SMC6: variants seen among roughly 807,000 people sequenced by gnomAD.
SMC6 encodes structural maintenance of chromosomes 6.
SMC6 carries 79 observed loss-of-function variants against 142.2 expected under a neutral mutation model. The observed-to-expected ratio is 0.56, with a 90% CI of 0.46 to 0.67. The LOEUF (loss-of-function observed/expected upper bound fraction) is 0.67. Among genes scored for constraint, SMC6 ranks in the 30% least tolerant of loss-of-function variants. The pLI is 0.00. For synonymous variants in SMC6, 411 were observed against 412.4 expected (o/e 1.00, Z 0.04); for missense variants, 1,072 against 1,284.0 (o/e 0.83, Z 2.52).
chr2:17,713,588 GAC>G (rs1668936269), intron 16 of SMC6: 1 of 467,252 alleles, frequency 2.1e-6, no homozygotes, highest in African/African-American at 2.0e-5. Context: ...GTCCTAAAAT[GAC>G]AGTTCAGATT....
intron 22 of SMC6, 136 bp from the exon 23 acceptor site, chr2:17,695,433 T>C (rs1369131449): frequency 9.0e-6 from 6 of 667,580 alleles, no homozygotes; most frequent in Admixed American, 3.5e-5. Flanking sequence ...TTAATATCAA[T>C]GTTATTTATA....
At chr2:17,749,740 T>C (rs1195795354) in intron 2 of SMC6, among the ~76,000 whole-genome samples, 2 of 152,166 alleles carry the variant, frequency 1.3e-5, no homozygotes, top group East Asian at 1.9e-4. Flanking sequence ...TGTAGATGCA[T>C]AGGAAATTTG....
chr2:17,727,640 A>G (rs934174614), intron 7 of SMC6, among the ~76,000 whole-genome samples: 1 of 152,116 alleles, frequency 6.6e-6, no homozygotes, highest in Non-Finnish European at 1.5e-5. Context: ...GTATAGAAAA[A>G]ATACAACTTT....
intron 23 of SMC6, among the ~76,000 whole-genome samples, chr2:17,684,294 G>A (rs1348329742): frequency 3.9e-5 from 6 of 152,138 alleles, no homozygotes. Flanking sequence ...TAGCATGAAA[G>A]GCAACCCTGG....
chr2:17,685,368 A>G (rs2124863812), intron 23 of SMC6, among the ~76,000 whole-genome samples: 1 of 126,950 alleles, frequency 7.9e-6, no homozygotes, highest in South Asian at 2.2e-4. Flanking sequence ...ATAGACAAAC[A>G]CCAACATAAA....
chr2:17,697,369 G>A (rs1401402834), intron 21 of SMC6, among the ~76,000 whole-genome samples: 2 of 151,952 alleles, frequency 1.3e-5, no homozygotes, highest in African/African-American at 4.8e-5. Flanking sequence ...AAAGGTCACT[G>A]GATACAGGTC....
chr2:17,673,946 C>T (rs1415603568), intron 25 of SMC6, among the ~76,000 whole-genome samples: 1 of 152,180 alleles, frequency 6.6e-6, no homozygotes, highest in Non-Finnish European at 1.5e-5. Context: ...CCCTCTTCCA[C>T]AGGCTTGCAG....
At chr2:17,680,215 A>C (rs1249869933) in intron 24 of SMC6, 1 of 152,226 alleles carries the variant, frequency 6.6e-6, no homozygotes, top group Non-Finnish European at 1.5e-5. Context: ...GGTAAACAAT[A>C]TGAAATATGT....
At chr2:17,749,784 T>G (rs1670937193) in intron 2 of SMC6, among the ~76,000 whole-genome samples, 1 of 152,192 alleles carries the variant, frequency 6.6e-6, no homozygotes, top group Admixed American at 6.5e-5. Flanking sequence ...AATTCTAAAT[T>G]TTATTAAGTA....
chr2:17,753,584 C>T (rs1671211609), intron 1 of SMC6, 42 bp downstream of exon 1: 1 of 152,388 alleles, frequency 6.6e-6, no homozygotes, highest in African/African-American at 2.4e-5. Flanking sequence ...GGAGGATGAA[C>T]CCCGGAGCAA....
At chr2:17,680,811 T>A (rs1667204987) in intron 24 of SMC6, 1 of 152,198 alleles carries the variant, frequency 6.6e-6, no homozygotes, top group African/African-American at 2.4e-5. Flanking sequence ...CAAAGTAGAT[T>A]TAGCACAATT....
At chr2:17,742,022 T>C (rs1381115834) in intron 3 of SMC6, among the ~76,000 whole-genome samples, 1 of 152,200 alleles carries the variant, frequency 6.6e-6, no homozygotes, top group Non-Finnish European at 1.5e-5. Context: ...TCTTGTGCAT[T>C]GCAGAATGTT....
intron 27 of SMC6, 66 bp from the exon 28 acceptor site, chr2:17,665,679 A>G: frequency 1.1e-6 from 1 of 881,884 alleles, no homozygotes; most frequent in Non-Finnish European, 1.7e-6. Flanking sequence ...AAAAATTCTA[A>G]TATTACCTCA....
intron 9 of SMC6, among the ~76,000 whole-genome samples, chr2:17,723,669 T>C (rs535751704): frequency 1.3e-3 from 196 of 152,290 alleles, no homozygotes; most frequent in African/African-American, 4.1e-3. Flanking sequence ...ACATCTCTTT[T>C]AGTAGTCCTC....
intron 16 of SMC6, 75 bp downstream of exon 16, chr2:17,714,784 TAA>T (rs1668997780): frequency 2.8e-6 from 4 of 1,405,798 alleles, no homozygotes. Flanking sequence ...TGATTAACAT[TAA>T]AAGTGTTTTA....
In SMC6 at chr2:17,745,970, TAAC is replaced by T. The variant is rs757518137; in HGVS notation, c.-5-22_-5-20del. The T allele has an allele frequency of 6.4e-7, 1 of 1,574,172 alleles. No homozygotes were observed. The highest frequency in any genetic ancestry group is 1.4e-5 in the African/African-American group (1 of 73,202). On this transcript the variant is annotated intron_variant, in intron 2 of 27. Transcript: ENST00000448223. The stretch of plus-strand genomic sequence containing the variant: ...ATCAGGTCTGAACAAATATTTATAG[TAAC>T]AATGAGGTAAATCAAGTTCCATATA...
intron 2 of SMC6, among the ~76,000 whole-genome samples, chr2:17,752,534 C>CT (rs1671096947): frequency 6.6e-6 from 1 of 152,178 alleles, no homozygotes; most frequent in Non-Finnish European, 1.5e-5. Context: ...ACAATTCTGG[C>CT]TTTTTGTGAT....
At chr2:17,743,355 C>G (rs143825044) in intron 3 of SMC6, among the ~76,000 whole-genome samples, 5 of 152,246 alleles carry the variant, frequency 3.3e-5, no homozygotes, top group African/African-American at 9.6e-5. Flanking sequence ...TTCATCAGCA[C>G]AGTATAATTT....
At position 17,738,278 on chromosome 2, in the gene SMC6, C is replaced by T. The variant is rs777466789; in HGVS notation, c.287G>A (p.Arg96Lys). Residue 96 changes from arginine (R) to lysine (K), a missense_variant, in exon 5 of 28, where the codon AGA becomes AAA. This residue lies in a region of SMC6 where 994 missense variants were observed against 1,153.2 expected (regional missense o/e 0.86). Coordinates refer to ENST00000448223, the MANE Select transcript of SMC6 (RefSeq NM_001142286.2). ...LTALIVGLGG[R>K]AVATNRGSSL... Reference sequence around the variant, plus strand: ...GGATCCTCTATTAGTAGCAACTGCTCTTCCACCAAGACCGACTATGAGAGC... The same window carrying T: ...GGATCCTCTATTAGTAGCAACTGCTTTTCCACCAAGACCGACTATGAGAGC... The T allele has an allele frequency of 6.2e-7, 1 of 1,613,836 alleles. No homozygotes were observed. Among genetic ancestry groups the T allele is most frequent in the South Asian group, 1.1e-5 (1 of 91,066 alleles).
Sources: allele counts gnomAD v4.1 joint callset (sites outside exome capture counted in the v4.1 genomes callset), GRCh38; gene constraint gnomAD v4.1.1; regional missense constraint gnomAD v4.1.1; transcripts MANE v1.5; gene names NCBI Gene and HGNC (gene_info 2026-07-23, HGNC 2026-07-21).